Variants in LIFR observed in about 807,000 individuals in gnomAD.
LIFR encodes the protein LIF receptor subunit alpha.
In LIFR, 84 loss-of-function variants were observed where a neutral mutation model predicts 122.2. The ratio of observed to expected loss-of-function variants is 0.69; its 90% CI spans 0.58 to 0.82. LIFR has a LOEUF of 0.82. Ranked by LOEUF, LIFR falls within the 40% of genes least tolerant of loss-of-function variation. The probability of loss-of-function intolerance (pLI) is 0.00; values close to 1 mark genes in which losing one functional copy is unlikely to be tolerated. For missense variants in LIFR, 1,294 were observed against 1,311.6 expected, an observed-to-expected ratio of 0.99 and a Z score of 0.21; for synonymous variants, 422 against 434.7, an observed-to-expected ratio of 0.97 and a Z score of 0.36.
Position 38,604,657 on chromosome 5 carries a change from C to T in LIFR, n.305+1548G>A, listed in dbSNP as rs1298460203. Reference sequence around the variant, plus strand: ...CGGAGGTTGCAGTGAGCCGAGATTGCGCCGTTGCACTCCAGCCTGGGCGAC... The same window carrying T: ...CGGAGGTTGCAGTGAGCCGAGATTGTGCCGTTGCACTCCAGCCTGGGCGAC... On this transcript the variant is annotated intron_variant and non_coding_transcript_variant, in intron 2 of 3. Transcript: ENST00000507786. Among the ~76,000 whole-genome samples, 5 of 151,726 alleles carry T rather than the reference C, an allele frequency of 3.3e-5. No homozygotes were observed. In the East Asian group the frequency reaches 9.7e-4, roughly 29 times the overall value.
chr5:38,557,303 T>G (rs1748639084), upstream of LIFR: 2 of 152,292 alleles, frequency 1.3e-5, no homozygotes, highest in Non-Finnish European at 2.9e-5. Flanking sequence ...AACGGATCTC[T>G]TAATGGGGTG....
chr5:38,582,326 T>C (rs1215431359), intron 1 of LIFR, among the ~76,000 whole-genome samples: 1 of 152,164 alleles, frequency 6.6e-6, no homozygotes, highest in Non-Finnish European at 1.5e-5. Flanking sequence ...GATTGGGAAC[T>C]AATATGCAGA....
intron 13 of LIFR, 135 bp from the exon 14 acceptor site, chr5:38,493,920 C>G: frequency 2.7e-6 from 2 of 735,204 alleles, no homozygotes; most frequent in Non-Finnish European, 4.7e-6. Context: ...CTAGATAAAC[C>G]TAGAGCAAAG....
At chr5:38,583,626 T>C (rs1373651298) in intron 1 of LIFR, among the ~76,000 whole-genome samples, 1 of 152,100 alleles carries the variant, frequency 6.6e-6, no homozygotes, top group African/African-American at 2.4e-5. Flanking sequence ...AATAACCTGA[T>C]TTAAAAAGGG....
chr5:38,502,864 C>T lies in LIFR; in HGVS notation c.1438-65G>A, dbSNP rs1189676250. ...ATGTGTATGAATACATATATATATACATACACATACATACACTTTTTTTTG... is the reference window on the plus strand; with the variant it reads ...ATGTGTATGAATACATATATATATATATACACATACATACACTTTTTTTTG... On this transcript the variant is annotated intron_variant, in intron 10 of 19. Coordinates refer to ENST00000453190, the MANE Select transcript of LIFR (RefSeq NM_001127671.2). 3 of 818,488 alleles carry T rather than the reference C, an allele frequency of 3.7e-6. No homozygotes were observed. In the African/African-American group the frequency reaches 5.3e-5, roughly 15 times the overall value. 50.7% of individuals were successfully genotyped at this position (818,488 alleles called of 1,614,324 possible). A position where few individuals can be genotyped will look rare whatever the true frequency, so the allele number is the denominator to read the frequency against.
intron 8 of LIFR, 85 bp downstream of exon 8, chr5:38,506,418 T>C (rs1409437231): frequency 1.4e-5 from 20 of 1,476,476 alleles, no homozygotes; most frequent in Non-Finnish European, 1.7e-5. Context: ...GTAACATAAA[T>C]GATCTAGTGC....
chr5:38,573,467 A>G (rs370517462), intron 1 of LIFR, among the ~76,000 whole-genome samples: 3 of 152,356 alleles, frequency 2.0e-5, no homozygotes, highest in African/African-American at 4.8e-5. Flanking sequence ...GATGCATAGT[A>G]AGCATTCAAC....
chr5:38,506,413 A>G, intron 8 of LIFR, 90 bp downstream of exon 8: 2 of 1,460,972 alleles, frequency 1.4e-6, no homozygotes, highest in South Asian at 1.1e-5. Flanking sequence ...TGTTTGTAAC[A>G]TAAATGATCT....
chr5:38,493,577 C>T (rs1561140177), intron 14 of LIFR, 29 bp downstream of exon 14: 7 of 1,602,036 alleles, frequency 4.4e-6, no homozygotes, highest in Middle Eastern at 1.7e-4. Context: ...TTTTGTAGAA[C>T]TTAATTGAGA....
At chr5:38,572,646 T>G (rs1749253660) in intron 1 of LIFR, among the ~76,000 whole-genome samples, 1 of 152,230 alleles carries the variant, frequency 6.6e-6, no homozygotes. Flanking sequence ...TCAGAATATC[T>G]TTCCAACGCT....
intron 1 of LIFR, among the ~76,000 whole-genome samples, chr5:38,554,191 T>G (rs1001083881): frequency 2.6e-4 from 39 of 152,350 alleles, no homozygotes; most frequent in African/African-American, 9.4e-4. Context: ...TTTCTTTTGT[T>G]AAAACAAAGA....
intron 1 of LIFR, among the ~76,000 whole-genome samples, chr5:38,565,586 ATTTT>A (rs1223940813): frequency 7.4e-6 from 1 of 134,888 alleles, no homozygotes. Flanking sequence ...ATGATTGTTG[ATTTT>A]TTTTTTTTTT....
chr5:38,551,635 G>A (rs1371058718), intron 1 of LIFR, among the ~76,000 whole-genome samples: 1 of 150,414 alleles, frequency 6.6e-6, no homozygotes, highest in Non-Finnish European at 1.5e-5. Flanking sequence ...TGGCCTCTAA[G>A]GATACTGCCG....
At chr5:38,596,625 T>G (rs1195636973), upstream of LIFR, among the ~76,000 whole-genome samples, 1 of 152,194 alleles carries the variant, frequency 6.6e-6, no homozygotes, top group Non-Finnish European at 1.5e-5. Context: ...TTACCATTCA[T>G]CCACATAATT....
intron 12 of LIFR, among the ~76,000 whole-genome samples, chr5:38,498,396 C>A (rs562298431): frequency 4.3e-4 from 65 of 152,274 alleles, no homozygotes; most frequent in African/African-American, 1.1e-3. Flanking sequence ...CACCTTGCAT[C>A]TCCAAGTGAT....
At chr5:38,497,273 ACT>A (rs1211468603) in intron 12 of LIFR, among the ~76,000 whole-genome samples, 3 of 152,182 alleles carry the variant, frequency 2.0e-5, no homozygotes, top group Admixed American at 1.3e-4. Context: ...AAAGAGCGAG[ACT>A]CTGTCTCAAC....
At chr5:38,580,721 G>T (rs113703075) in intron 1 of LIFR, among the ~76,000 whole-genome samples, 1 of 151,488 alleles carries the variant, frequency 6.6e-6, no homozygotes, top group African/African-American at 2.4e-5. Flanking sequence ...TTTTTCCCTC[G>T]TTCCAATTCA....
chr5:38,485,856 G>A lies in LIFR; in HGVS notation c.2460C>T (p.Gly820=), dbSNP rs1246646288. ...VLRAYTDGGV[G]PEKSMYVVTK... ...TCACCACATACATACTCTTCTCCGG[G>A]CCCACTCCACCATCTGTATAGGCTC... is the stretch of plus-strand genomic sequence containing the variant. Residue 820 remains glycine, a synonymous_variant, in exon 17 of 20, where the codon GGC becomes GGT. Coordinates refer to ENST00000453190, the MANE Select transcript of LIFR (RefSeq NM_001127671.2). 1 of 1,614,068 alleles carries A rather than the reference G, an allele frequency of 6.2e-7. No homozygotes were observed. The highest frequency in any genetic ancestry group is 8.5e-7 in the Non-Finnish European group (1 of 1,180,000).
chr5:38,570,848 A>G (rs1749185532), intron 1 of LIFR, among the ~76,000 whole-genome samples: 1 of 152,206 alleles, frequency 6.6e-6, no homozygotes, highest in Non-Finnish European at 1.5e-5. Flanking sequence ...GTTATTTAAA[A>G]TTTATCCTAG....
Sources: allele counts gnomAD v4.1 joint callset (sites outside exome capture counted in the v4.1 genomes callset), GRCh38; gene constraint gnomAD v4.1.1; transcripts MANE v1.5; gene names NCBI Gene and HGNC (gene_info 2026-07-23, HGNC 2026-07-21).